Variants in ROBO1 observed in about 807,000 individuals in gnomAD.
ROBO1 encodes the protein roundabout homolog 1.
A neutral mutation model predicts 195.9 loss-of-function variants in ROBO1; 149 were observed. The observed-to-expected ratio is 0.76, with a 90% CI of 0.67 to 0.87. The LOEUF is 0.87. ROBO1 is among the 40% of genes least tolerant of loss of function. The pLI is 0.00. For synonymous variants in ROBO1, 816 were observed against 733.2 expected, an observed-to-expected ratio of 1.11 and a Z score of -1.82; for missense variants, 1,933 against 2,068.3, an observed-to-expected ratio of 0.93 and a Z score of 1.27.
rs538065409 is a variant in ROBO1 at position 78,701,139 on chromosome 3, A to T, written c.1046-12367T>A. Among the ~76,000 whole-genome samples, 3 of 152,340 alleles carry T rather than the reference A, an allele frequency of 2.0e-5. No individual in the cohort carries two copies. In the South Asian group the frequency reaches 6.2e-4, roughly 32 times the overall value. ...CTTGTTTGTAATTTTAAAAAGAGTA[A>T]AACCTTGCTCTAATGTAATTTTGGT... On this transcript the variant is annotated intron_variant, in intron 8 of 30. Transcript: ENST00000464233.
intron 14 of ROBO1, 57 bp downstream of exon 14, chr3:78,667,826 C>A: frequency 6.6e-7 from 1 of 1,519,022 alleles, no homozygotes; most frequent in Admixed American, 1.8e-5. Flanking sequence ...TTTGTCAGTG[C>A]AATTATAACA....
At chr3:78,907,467 C>T (rs933889240) in intron 4 of ROBO1, among the ~76,000 whole-genome samples, 4 of 152,032 alleles carry the variant, frequency 2.6e-5, no homozygotes, top group East Asian at 1.9e-4. Context: ...TTTGAGATTC[C>T]GCCTTTCAAA....
intron 3 of ROBO1, among the ~76,000 whole-genome samples, chr3:78,979,758 A>C (rs1237972034): frequency 6.6e-6 from 1 of 152,032 alleles, no homozygotes; most frequent in Non-Finnish European, 1.5e-5. Flanking sequence ...AGAAACAAAA[A>C]GGTGGGAGGG....
chr3:78,717,151 G>C (rs1235468793), intron 7 of ROBO1, 124 bp downstream of exon 7: 2 of 979,934 alleles, frequency 2.0e-6, no homozygotes, highest in Admixed American at 5.4e-5. Context: ...CTCCAGTATT[G>C]TATCTGGCCC....
chr3:79,496,553 T>G (rs1939756444), intron 2 of ROBO1, among the ~76,000 whole-genome samples: 1 of 145,266 alleles, frequency 6.9e-6, no homozygotes, highest in African/African-American at 2.6e-5. Context: ...CCGGCTAATT[T>G]TTTGTATTTT....
chr3:79,229,806 A>G (rs985262897), intron 2 of ROBO1, among the ~76,000 whole-genome samples: 6 of 152,098 alleles, frequency 3.9e-5, no homozygotes, highest in African/African-American at 1.4e-4. Context: ...ATTCCCGATA[A>G]ATCTTAAATT....
chr3:79,764,297 T>G (rs2107532725), intron 1 of ROBO1, among the ~76,000 whole-genome samples: 1 of 152,352 alleles, frequency 6.6e-6, no homozygotes, highest in African/African-American at 2.4e-5. Context: ...CAAATATGAA[T>G]ACATTAACAG....
chr3:78,825,477 CAG>C (rs1378309716), intron 4 of ROBO1, among the ~76,000 whole-genome samples: 3 of 152,144 alleles, frequency 2.0e-5, no homozygotes, highest in Non-Finnish European at 2.9e-5. Context: ...TATTCGAAGA[CAG>C]CCAAGTGTGT....
chr3:78,607,193 A>G lies in ROBO1; in HGVS notation c.4436-152T>C, dbSNP rs762415363. ...AAGGTAACCAAGGAAAAATACCCAC[A>G]ATTTTTTAAAATTTATGTTTATTTA... is the stretch of plus-strand genomic sequence containing the variant. On this transcript the variant is annotated intron_variant, in intron 28 of 30. Transcript: ENST00000464233. 5.9e-6 allele frequency: 4 copies of G among 678,524 alleles called. No individual in the cohort carries two copies. The African/African-American group carries it at 7.2e-5, about 12-fold the overall frequency. 42.0% of individuals were successfully genotyped at this position (678,524 alleles called of 1,614,324 possible).
intron 8 of ROBO1, among the ~76,000 whole-genome samples, chr3:78,711,523 T>C (rs574267559): frequency 1.0e-3 from 151 of 150,196 alleles, no homozygotes; most frequent in Non-Finnish European, 1.8e-3. Context: ...TTTGCTCTTG[T>C]TGCCCAAGCT....
chr3:79,141,452 G>A (rs1319263195), intron 2 of ROBO1, among the ~76,000 whole-genome samples: 1 of 151,760 alleles, frequency 6.6e-6, no homozygotes, highest in Admixed American at 6.6e-5. Flanking sequence ...AAAGGTCACA[G>A]GGATTAGCTG....
At chr3:78,631,106 A>ATT in intron 25 of ROBO1, 55 bp downstream of exon 25, 1 of 1,549,072 alleles carries the variant, frequency 6.5e-7, no homozygotes. Context: ...ATTGCTGAAA[A>ATT]TGGGCTGAAA....
chr3:79,380,256 T>G (rs1196225322), intron 2 of ROBO1, among the ~76,000 whole-genome samples: 2 of 152,198 alleles, frequency 1.3e-5, no homozygotes, highest in African/African-American at 2.4e-5. Flanking sequence ...AGGATTGTCA[T>G]TTTTCTTTGT....
intron 2 of ROBO1, among the ~76,000 whole-genome samples, chr3:79,226,625 T>G (rs1002644153): frequency 1.3e-5 from 2 of 151,602 alleles, no homozygotes; most frequent in African/African-American, 4.8e-5. Flanking sequence ...ACTGCAGCCT[T>G]GACCTCCTGG....
At chr3:79,171,149 A>T (rs958626479) in intron 2 of ROBO1, among the ~76,000 whole-genome samples, 1 of 149,930 alleles carries the variant, frequency 6.7e-6, no homozygotes, top group Non-Finnish European at 1.5e-5. Flanking sequence ...ATATAAATGT[A>T]TAATTAAATA....
At chr3:78,925,978 C>G (rs1408841991) in intron 4 of ROBO1, among the ~76,000 whole-genome samples, 1 of 152,018 alleles carries the variant, frequency 6.6e-6, no homozygotes, top group East Asian at 1.9e-4. Flanking sequence ...TCAAGCAACT[C>G]TCCTGCCTCA....
chr3:78,617,004 T>C (rs977297010), intron 27 of ROBO1, among the ~76,000 whole-genome samples: 4 of 152,312 alleles, frequency 2.6e-5, no homozygotes, highest in African/African-American at 7.2e-5. Context: ...CCAATTATTA[T>C]ATTTAAAATG....
At chr3:78,876,414 T>C (rs2035850286) in intron 4 of ROBO1, among the ~76,000 whole-genome samples, 2 of 152,276 alleles carry the variant, frequency 1.3e-5, no homozygotes, top group South Asian at 4.1e-4. Context: ...CTTATTGAGA[T>C]TGTCGTATAG....
At chr3:78,966,145 T>C (rs2076639264) in intron 3 of ROBO1, among the ~76,000 whole-genome samples, 1 of 152,158 alleles carries the variant, frequency 6.6e-6, no homozygotes, top group African/African-American at 2.4e-5. Context: ...GAGAGTCTAA[T>C]GCCTGATGAT....
Sources: gnomAD v4.1 joint callset for allele counts (sites outside exome capture counted in the v4.1 genomes callset) on GRCh38, gnomAD v4.1.1 for gene constraint, MANE v1.5 for transcripts, NCBI Gene and HGNC (gene_info 2026-07-23, HGNC 2026-07-21) for gene names.